The following TRMT11 variants were observed in gnomAD, a reference collection of about 807,000 sequenced individuals.
The protein encoded by TRMT11 is tRNA methyltransferase 11.
A neutral mutation model predicts 62.8 loss-of-function variants in TRMT11; 53 were observed. That is an observed-to-expected ratio of 0.84 (90% confidence interval 0.68 to 1.06). The LOEUF is 1.06. TRMT11 is among the 50% of genes least tolerant of loss of function. The pLI is 0.00. For synonymous variants in TRMT11, 188 were observed against 190.3 expected (o/e 0.99, Z 0.10); for missense variants, 556 against 553.4 (o/e 1.00, Z -0.05).
chr6:126,196,132 A>G (rs925864643), intron 1 of TRMT11, among the ~76,000 whole-genome samples: 1 of 152,180 alleles, frequency 6.6e-6, no homozygotes, highest in African/African-American at 2.4e-5. Flanking sequence ...TTCAAACTTC[A>G]TGCTAGTACC....
At chr6:126,178,701 T>C (rs967347112) in intron 1 of TRMT11, among the ~76,000 whole-genome samples, 5 of 152,082 alleles carry the variant, frequency 3.3e-5, no homozygotes, top group African/African-American at 9.7e-5. Context: ...AAACCAGCTG[T>C]TTATTTGGTG....
chr6:126,103,084 A>G (rs1777420804), intron 17 of TRMT11, among the ~76,000 whole-genome samples: 1 of 152,172 alleles, frequency 6.6e-6, no homozygotes, highest in Admixed American at 6.5e-5. Flanking sequence ...TCCTGCAAGA[A>G]CTGTGGAACC....
At chr6:126,255,557 G>T in the TRMT11 span, among the ~76,000 whole-genome samples, 1 of 152,116 alleles carries the variant, frequency 6.6e-6, no homozygotes, top group Non-Finnish European at 1.5e-5. Flanking sequence ...AAATGCTCTT[G>T]CTTTCATATC....
rs75363784 is a variant in TRMT11, at chr6:126,153,907, G to A, written c.*1824-20918G>A. 4.9e-3 allele frequency among the ~76,000 whole-genome samples: 742 copies of A among 152,268 alleles called. 6 individuals carry two copies. The highest frequency in any genetic ancestry group is 0.017 in the African/African-American group (694 of 41,552). On this transcript the variant is annotated intron_variant and NMD_transcript_variant, in intron 21 of 22. Coordinates refer to the TRMT11 transcript ENST00000648977. ...CCTGAAAAGATCCAATGTGCAGCCA[G>A]AATTCCTTTTTCATTGACATACCCA...
At chr6:126,270,536 T>A in the TRMT11 span, among the ~76,000 whole-genome samples, 2 of 152,202 alleles carry the variant, frequency 1.3e-5, no homozygotes, top group African/African-American at 2.4e-5. Flanking sequence ...ATAGATTTTT[T>A]AAAAATTAGA....
chr6:126,226,264 C>T, the TRMT11 span, among the ~76,000 whole-genome samples: 1 of 152,018 alleles, frequency 6.6e-6, no homozygotes, highest in Non-Finnish European at 1.5e-5. Context: ...TAAATAAACT[C>T]GTAATTTTGA....
chr6:126,026,113 G>A (rs1020060518), intron 12 of TRMT11, among the ~76,000 whole-genome samples: 1 of 152,182 alleles, frequency 6.6e-6, no homozygotes, highest in Admixed American at 6.5e-5. Flanking sequence ...TGAAAGCCAA[G>A]TGAATGATGA....
At chr6:126,120,242 T>C (rs1477340518) in intron 21 of TRMT11, among the ~76,000 whole-genome samples, 1 of 152,070 alleles carries the variant, frequency 6.6e-6, no homozygotes, top group Non-Finnish European at 1.5e-5. Flanking sequence ...GCCACTGCAC[T>C]CACCCTGGGT....
chr6:126,069,045 G>C (rs890964910), intron 17 of TRMT11, among the ~76,000 whole-genome samples: 1 of 152,196 alleles, frequency 6.6e-6, no homozygotes, highest in African/African-American at 2.4e-5. Context: ...TGAAGCTGAG[G>C]AAATCCAATC....
chr6:126,087,967 T>C (rs371318049), intron 17 of TRMT11, among the ~76,000 whole-genome samples: 2 of 152,220 alleles, frequency 1.3e-5, no homozygotes, highest in South Asian at 4.1e-4. Context: ...GTTATAGTTA[T>C]CTCTAATGAT....
intron 1 of TRMT11, among the ~76,000 whole-genome samples, chr6:126,185,115 A>G (rs1309996312): frequency 6.6e-6 from 1 of 152,166 alleles, no homozygotes; most frequent in Non-Finnish European, 1.5e-5. Flanking sequence ...GAAAGGAGAA[A>G]ACATGGTAGG....
chr6:126,131,598 A>G (rs368773560), intron 21 of TRMT11, among the ~76,000 whole-genome samples: 60 of 151,908 alleles, frequency 3.9e-4, no homozygotes, highest in Non-Finnish European at 6.8e-4. Flanking sequence ...CATCTCTTCA[A>G]CTGCTGTCAG....
At chr6:126,256,082 G>C in the TRMT11 span, among the ~76,000 whole-genome samples, 1 of 152,156 alleles carries the variant, frequency 6.6e-6, no homozygotes, top group Non-Finnish European at 1.5e-5. Flanking sequence ...CATATCAAAG[G>C]TTGCTTTCTC....
At chr6:126,130,360 CT>C (rs1777767166) in intron 21 of TRMT11, among the ~76,000 whole-genome samples, 1 of 151,910 alleles carries the variant, frequency 6.6e-6, no homozygotes, top group Non-Finnish European at 1.5e-5. Context: ...ATACAAAATC[CT>C]TTTATATATG....
chr6:126,066,218 C>A (rs116000859), intron 17 of TRMT11, among the ~76,000 whole-genome samples: 52 of 152,318 alleles, frequency 3.4e-4, no homozygotes, highest in African/African-American at 1.2e-3. Flanking sequence ...CCTGTGGGGT[C>A]AGAACTCATC....
chr6:126,000,671 A>G (rs942618720), intron 7 of TRMT11, among the ~76,000 whole-genome samples: 1 of 152,136 alleles, frequency 6.6e-6, no homozygotes, highest in Non-Finnish European at 1.5e-5. Context: ...TACTAACTTA[A>G]GGAATATGAC....
At chr6:126,216,519 T>C in the TRMT11 span, among the ~76,000 whole-genome samples, 5 of 152,270 alleles carry the variant, frequency 3.3e-5, no homozygotes, top group East Asian at 5.8e-4. Flanking sequence ...TATTCCATTG[T>C]GTTCAGAGAA....
chr6:126,231,978 C>A, the TRMT11 span, among the ~76,000 whole-genome samples: 1 of 152,150 alleles, frequency 6.6e-6, no homozygotes, highest in South Asian at 2.1e-4. Context: ...AATGATATGA[C>A]TTTAGTTAGT....
chr6:126,150,476 G>T (rs193121121), intron 21 of TRMT11, among the ~76,000 whole-genome samples: 4 of 152,196 alleles, frequency 2.6e-5, no homozygotes, highest in Admixed American at 2.6e-4. Flanking sequence ...TACCTCAATC[G>T]CTGTATCCAT....
Sources: gnomAD v4.1 joint callset for allele counts (sites outside exome capture counted in the v4.1 genomes callset) on GRCh38, gnomAD v4.1.1 for gene constraint, MANE v1.5 for transcripts, NCBI Gene and HGNC (gene_info 2026-07-23, HGNC 2026-07-21) for gene names.